Variants in CHIC2 observed in about 807,000 individuals in gnomAD.
CHIC2 encodes the protein cysteine rich hydrophobic domain 2.
A neutral mutation model predicts 25.9 loss-of-function variants in CHIC2; 14 were observed. That is an observed-to-expected ratio of 0.54 (90% CI 0.36 to 0.85). CHIC2 has a LOEUF of 0.85. CHIC2 is among the 40% of genes least tolerant of loss of function. The pLI is 0.01. For synonymous variants in CHIC2, 70 were observed against 72.0 expected, an observed-to-expected ratio of 0.97 and a Z score of 0.14; for missense variants, 146 against 202.0, an observed-to-expected ratio of 0.72 and a Z score of 1.68.
At chr4:54,087,064 A>C in the CHIC2 span, 14 of 1,116,700 alleles carry the variant, frequency 1.3e-5, no homozygotes. Context: ...CCACAGCAGA[A>C]AAATCTTGAA....
intron 3 of CHIC2, among the ~76,000 whole-genome samples, chr4:54,046,895 G>A (rs1056136744): frequency 2.6e-5 from 4 of 152,026 alleles, no homozygotes; most frequent in African/African-American, 7.3e-5. Flanking sequence ...TTTGCAACCT[G>A]CTCATCTGAC....
At chr4:54,087,335 T>A in the CHIC2 span, 1 of 567,042 alleles carries the variant, frequency 1.8e-6, no homozygotes. Context: ...GGACTGGAAC[T>A]TAGTTACCAA....
At chr4:54,068,451 C>G (rs564420823), upstream of CHIC2, among the ~76,000 whole-genome samples, 2 of 152,148 alleles carry the variant, frequency 1.3e-5, no homozygotes, top group Non-Finnish European at 2.9e-5. Context: ...ACCAAAGCTA[C>G]CAGCCGTTTG....
chr4:54,088,032 T>C, the CHIC2 span, among the ~76,000 whole-genome samples: 7 of 152,198 alleles, frequency 4.6e-5, no homozygotes, highest in African/African-American at 1.4e-4. Context: ...GAACATTTTA[T>C]TGCCTAGTTG....
chr4:54,065,194 A>G (rs1717484716), upstream of CHIC2: 1 of 443,144 alleles, frequency 2.3e-6, no homozygotes, highest in African/African-American at 2.1e-5. Context: ...TTATCCCTTG[A>G]TCCCCTTAAG....
At chr4:54,057,453 G>A (rs914707468) in intron 1 of CHIC2, among the ~76,000 whole-genome samples, 1 of 152,148 alleles carries the variant, frequency 6.6e-6, no homozygotes, top group African/African-American at 2.4e-5. Flanking sequence ...CTTGGCACCT[G>A]CTGTTCTCCA....
the CHIC2 span, among the ~76,000 whole-genome samples, chr4:54,090,251 A>C: frequency 1.3e-5 from 2 of 152,034 alleles, no homozygotes; most frequent in Admixed American, 1.3e-4. Flanking sequence ...CAGTGGTGCA[A>C]TCTCGGCTCA....
At chr4:54,047,655 G>A (rs1330847016) in intron 3 of CHIC2, among the ~76,000 whole-genome samples, 8 of 134,328 alleles carry the variant, frequency 6.0e-5, no homozygotes, top group African/African-American at 1.9e-4. Flanking sequence ...GTTGTGGGGT[G>A]GGGGGAGGGG....
At chr4:54,018,124 T>C (rs1445666400) in intron 3 of CHIC2, among the ~76,000 whole-genome samples, 4 of 152,074 alleles carry the variant, frequency 2.6e-5, no homozygotes, top group African/African-American at 9.7e-5. Context: ...GAAAGAGAAC[T>C]AAAAGGGCCT....
chr4:54,079,492 G>T, the CHIC2 span, among the ~76,000 whole-genome samples: 1 of 151,940 alleles, frequency 6.6e-6, no homozygotes, highest in African/African-American at 2.4e-5. Flanking sequence ...CCACAGAATA[G>T]AAGAAAATAT....
chr4:54,019,525 C>T (rs1435687527), intron 3 of CHIC2, among the ~76,000 whole-genome samples: 1 of 152,006 alleles, frequency 6.6e-6, no homozygotes, highest in African/African-American at 2.4e-5. Context: ...ATCAAGTTTA[C>T]GATCTAGGCT....
At chr4:54,044,049 G>C (rs537877961) in intron 3 of CHIC2, among the ~76,000 whole-genome samples, 1 of 152,222 alleles carries the variant, frequency 6.6e-6, no homozygotes, top group African/African-American at 2.4e-5. Flanking sequence ...GATCAAAAGA[G>C]ACAAAGAAGG....
At chr4:54,020,914 C>A (rs372173458) in intron 3 of CHIC2, among the ~76,000 whole-genome samples, 1 of 152,190 alleles carries the variant, frequency 6.6e-6, no homozygotes, top group African/African-American at 2.4e-5. Flanking sequence ...TGGTCATTCA[C>A]CCACATTCCC....
At chr4:54,063,517 A>G (rs956404812) in intron 1 of CHIC2, among the ~76,000 whole-genome samples, 2 of 152,228 alleles carry the variant, frequency 1.3e-5, no homozygotes, top group Non-Finnish European at 2.9e-5. Context: ...CCCAAGGAGG[A>G]GCTTCAGGAC....
At chr4:54,072,285 G>A in the CHIC2 span, among the ~76,000 whole-genome samples, 2 of 150,178 alleles carry the variant, frequency 1.3e-5, no homozygotes, top group Admixed American at 6.6e-5. Context: ...CTGGGCGACA[G>A]AGCAAGACTC....
chr4:54,024,251 C>T (rs905181318), intron 3 of CHIC2, among the ~76,000 whole-genome samples: 1 of 152,130 alleles, frequency 6.6e-6, no homozygotes, highest in Non-Finnish European at 1.5e-5. Context: ...GGTTACAAGC[C>T]GCTAGCCCAT....
chr4:54,053,486 C>A (rs1251497446), intron 1 of CHIC2, among the ~76,000 whole-genome samples: 1 of 142,918 alleles, frequency 7.0e-6, no homozygotes, highest in Non-Finnish European at 1.5e-5. Flanking sequence ...AACCCGGAGG[C>A]GGAGGTTGCA....
In CHIC2 at chr4:54,049,340, T is replaced by C; in HGVS notation, c.120-35A>G. ...AAAATAAGAAGAATATGTTATTACA[T>C]GTTATTGTTGCCAAAAATGTAGACC... On this transcript the variant is annotated intron_variant, in intron 1 of 5. Transcript: ENST00000263921. 2.9e-6 allele frequency: 4 copies of C among 1,399,770 alleles called. No individual in the cohort carries two copies. The South Asian group carries it at 3.9e-5, about 14-fold the overall frequency. The allele number at this position is 1,399,770 out of a possible 1,614,324, so 86.7% of individuals were successfully genotyped here.
chr4:54,054,211 T>C lies in CHIC2; in HGVS notation c.120-4906A>G, dbSNP rs375766405. Among the ~76,000 whole-genome samples the C allele has an allele frequency of 2.6e-5, 4 of 152,364 alleles. No homozygotes were observed. In the East Asian group the frequency reaches 7.7e-4, roughly 29 times the overall value. On this transcript the variant is annotated intron_variant, in intron 1 of 5. Coordinates refer to ENST00000263921, the MANE Select transcript of CHIC2 (RefSeq NM_012110.4). ...GAAATTTAGGTTCACTAATCAATAG[T>C]TTTCTTGAATGCATTTCAATGTTTT...
Sources: allele counts gnomAD v4.1 joint callset (sites outside exome capture counted in the v4.1 genomes callset), GRCh38; gene constraint gnomAD v4.1.1; transcripts MANE v1.5; gene names NCBI Gene and HGNC (gene_info 2026-07-23, HGNC 2026-07-21).